The following CNTN3 variants were observed in gnomAD, a reference collection of about 807,000 sequenced individuals.
The protein encoded by CNTN3 is contactin-3.
CNTN3 carries 60 observed loss-of-function variants against 119.1 expected under a neutral mutation model. The ratio of observed to expected loss-of-function variants is 0.50; its 90% confidence interval spans 0.41 to 0.62. The LOEUF is 0.62. Ranked by LOEUF, CNTN3 falls within the 20% of genes least tolerant of loss-of-function variation. CNTN3 has a pLI of 0.00. For synonymous variants in CNTN3, 450 were observed against 438.7 expected, an observed-to-expected ratio of 1.03 and a Z score of -0.32; for missense variants, 1,101 against 1,242.4, an observed-to-expected ratio of 0.89 and a Z score of 1.71.
At chr3:74,452,164 A>G (rs1353262701) in intron 4 of CNTN3, among the ~76,000 whole-genome samples, 5 of 141,450 alleles carry the variant, frequency 3.5e-5, no homozygotes, top group East Asian at 2.2e-4. Context: ...ATGTTCTTCC[A>G]TTTGTTTGTA....
intron 2 of CNTN3, among the ~76,000 whole-genome samples, chr3:74,511,334 T>C (rs1490037320): frequency 6.6e-6 from 1 of 152,118 alleles, no homozygotes; most frequent in Non-Finnish European, 1.5e-5. Flanking sequence ...ATATAATTAC[T>C]TGCAAAATAA....
At chr3:74,426,860 T>C (rs1701703578) in intron 4 of CNTN3, among the ~76,000 whole-genome samples, 1 of 152,236 alleles carries the variant, frequency 6.6e-6, no homozygotes, top group Non-Finnish European at 1.5e-5. Flanking sequence ...AGCTTATACA[T>C]GGAATTTCCA....
At chr3:74,365,487 A>C in intron 9 of CNTN3, 79 bp downstream of exon 9, 2 of 1,572,616 alleles carry the variant, frequency 1.3e-6, no homozygotes, top group Non-Finnish European at 1.7e-6. Flanking sequence ...GGACTAAAGA[A>C]AGCATTTGCT....
intron 13 of CNTN3, among the ~76,000 whole-genome samples, chr3:74,327,106 C>CTTT (rs869114498): frequency 2.1e-4 from 17 of 80,178 alleles, no homozygotes; most frequent in Admixed American, 5.4e-4. Flanking sequence ...AGGGTTAATC[C>CTTT]TTTTTTTTTT....
intron 20 of CNTN3, among the ~76,000 whole-genome samples, chr3:74,269,181 AT>A (rs1701719821): frequency 6.6e-6 from 1 of 152,152 alleles, no homozygotes; most frequent in African/African-American, 2.4e-5. Context: ...ATTTAAAAAA[AT>A]AACTTGGTTT....
At chr3:74,468,005 C>A (rs7429595) in intron 4 of CNTN3, among the ~76,000 whole-genome samples, 3 of 152,008 alleles carry the variant, frequency 2.0e-5, no homozygotes, top group Admixed American at 1.3e-4. Context: ...AAGAAAACCC[C>A]CATGGAAGAA....
At chr3:74,332,978 T>A (rs762936678) in intron 13 of CNTN3, among the ~76,000 whole-genome samples, 10 of 152,200 alleles carry the variant, frequency 6.6e-5, no homozygotes, top group Non-Finnish European at 1.0e-4. Context: ...GAGAGCTAGC[T>A]CAGAATATGG....
intron 13 of CNTN3, among the ~76,000 whole-genome samples, chr3:74,313,052 G>A (rs1295146471): frequency 6.6e-6 from 1 of 151,362 alleles, no homozygotes; most frequent in African/African-American, 2.4e-5. Flanking sequence ...GAACGACTTG[G>A]ATTGGCTTAT....
intron 5 of CNTN3, among the ~76,000 whole-genome samples, chr3:74,382,313 T>C (rs755177511): frequency 1.6e-4 from 24 of 152,314 alleles, no homozygotes; most frequent in Non-Finnish European, 2.6e-4. Flanking sequence ...CAATGCAAAA[T>C]GCTTAAATCA....
intron 20 of CNTN3, among the ~76,000 whole-genome samples, chr3:74,274,411 G>T (rs951076733): frequency 2.0e-5 from 3 of 151,978 alleles, no homozygotes; most frequent in Non-Finnish European, 4.4e-5. Flanking sequence ...TCACAGCCCC[G>T]CCACCTCCAC....
At chr3:74,614,254 T>C (rs1270377809) in intron 1 of CNTN3, among the ~76,000 whole-genome samples, 137 bp downstream of exon 1, 1 of 152,166 alleles carries the variant, frequency 6.6e-6, no homozygotes, top group Non-Finnish European at 1.5e-5. Flanking sequence ...TCTTTTATTC[T>C]CGACCCGTCA....
intron 4 of CNTN3, 47 bp from the exon 5 acceptor site, chr3:74,424,987 A>AT: frequency 7.5e-7 from 1 of 1,328,362 alleles, no homozygotes; most frequent in Non-Finnish European, 1.0e-6. Context: ...GACCAATTAA[A>AT]TCACAAATTT....
chr3:74,538,558 TTC>T (rs1429530037), intron 1 of CNTN3, among the ~76,000 whole-genome samples: 4 of 152,116 alleles, frequency 2.6e-5, no homozygotes, highest in African/African-American at 7.2e-5. Flanking sequence ...CTAAAAGTCT[TTC>T]TGTTTAATGT....
At chr3:74,305,743 A>C (rs1702550343) in intron 13 of CNTN3, among the ~76,000 whole-genome samples, 1 of 150,774 alleles carries the variant, frequency 6.6e-6, no homozygotes, top group Admixed American at 6.7e-5. Flanking sequence ...GACATCTAGG[A>C]TGCGGGTCAT....
intron 11 of CNTN3, among the ~76,000 whole-genome samples, chr3:74,341,538 C>T (rs748017439): frequency 1.3e-5 from 2 of 152,038 alleles, no homozygotes; most frequent in Admixed American, 6.5e-5. Context: ...TTATAATATA[C>T]TTTTATTTGT....
intron 11 of CNTN3, 44 bp downstream of exon 11, chr3:74,361,846 A>G (rs372253614): frequency 2.6e-6 from 4 of 1,560,818 alleles, no homozygotes; most frequent in Non-Finnish European, 3.5e-6. Flanking sequence ...CAGTATGGAA[A>G]GTGAGAGGAA....
At chr3:74,492,359 G>A (rs1702979973) in intron 3 of CNTN3, among the ~76,000 whole-genome samples, 1 of 152,082 alleles carries the variant, frequency 6.6e-6, no homozygotes, top group South Asian at 2.1e-4. Context: ...CCTACTTAAG[G>A]GAGCGTATCT....
intron 13 of CNTN3, among the ~76,000 whole-genome samples, chr3:74,327,065 A>C (rs1703149486): frequency 7.1e-6 from 1 of 139,934 alleles, no homozygotes; most frequent in Non-Finnish European, 1.5e-5. Context: ...ATGTATGTAC[A>C]TTTCCTGGGA....
At chr3:74,442,174 CACAG>C (rs745509593) in intron 4 of CNTN3, among the ~76,000 whole-genome samples, 1,976 of 113,328 alleles carry the variant, frequency 0.017, 34 homozygotes, top group East Asian at 0.07. Context: ...CACACACACA[CACAG>C]AGAGAGAGAG....
Sources: allele counts gnomAD v4.1 joint callset (sites outside exome capture counted in the v4.1 genomes callset), GRCh38; gene constraint gnomAD v4.1.1; transcripts MANE v1.5; gene names NCBI Gene and HGNC (gene_info 2026-07-23, HGNC 2026-07-21).